Variants in FOXP1 observed in about 807,000 individuals in gnomAD.
FOXP1 encodes forkhead box protein P1.
In FOXP1, 15 loss-of-function variants were observed where a neutral mutation model predicts 98.2. The ratio of observed to expected loss-of-function variants is 0.15; its 90% confidence interval spans 0.10 to 0.24. The LOEUF is 0.24. Ranked by LOEUF, FOXP1 falls within the 10% of genes least tolerant of loss-of-function variation. The pLI is 1.00. For missense variants in FOXP1, 633 were observed against 848.5 expected (o/e 0.75, Z 3.15); for synonymous variants, 371 against 314.5 (o/e 1.18, Z -1.90).
intron 19 of FOXP1, among the ~76,000 whole-genome samples, chr3:70,966,942 G>T (rs1444533082): frequency 6.6e-6 from 1 of 152,142 alleles, no homozygotes; most frequent in Non-Finnish European, 1.5e-5. Context: ...TATACCACTG[G>T]ACTAAGTAAG....
intron 3 of FOXP1, among the ~76,000 whole-genome samples, chr3:71,490,553 G>C (rs975540909): frequency 6.6e-6 from 1 of 151,904 alleles, no homozygotes; most frequent in African/African-American, 2.4e-5. Context: ...CCAGCTCACA[G>C]GATTTCAGGC....
At chr3:71,560,145 G>A (rs540977344) in intron 2 of FOXP1, among the ~76,000 whole-genome samples, 4 of 152,256 alleles carry the variant, frequency 2.6e-5, no homozygotes, top group East Asian at 3.9e-4. Context: ...TTTCAGTTAC[G>A]TGAGTCACTA....
intron 5 of FOXP1, among the ~76,000 whole-genome samples, chr3:71,265,024 G>A (rs971520149): frequency 2.0e-5 from 3 of 152,152 alleles, no homozygotes; most frequent in East Asian, 1.9e-4. Context: ...GAGTGTGCAC[G>A]TATACACACT....
At chr3:71,480,406 G>C (rs901930254) in intron 3 of FOXP1, among the ~76,000 whole-genome samples, 4 of 152,178 alleles carry the variant, frequency 2.6e-5, no homozygotes, top group African/African-American at 9.7e-5. Context: ...GCATACTAAA[G>C]TTTCAAGAGA....
At chr3:71,528,281 G>A (rs151203059) in intron 2 of FOXP1, among the ~76,000 whole-genome samples, 118 of 152,246 alleles carry the variant, frequency 7.8e-4, no homozygotes, top group African/African-American at 2.6e-3. Context: ...CTCTCAGCTC[G>A]GGGAAAAGCT....
intron 6 of FOXP1, among the ~76,000 whole-genome samples, chr3:71,192,234 T>C (rs1245018393): frequency 1.3e-5 from 2 of 152,180 alleles, no homozygotes; most frequent in African/African-American, 2.4e-5. Flanking sequence ...AGCCACCTTT[T>C]TCAAAGAAAA....
intron 3 of FOXP1, among the ~76,000 whole-genome samples, chr3:71,382,459 T>C (rs56010829): frequency 0.28 from 42,796 of 152,106 alleles, 7,426 homozygotes; most frequent in Middle Eastern, 0.42. Flanking sequence ...GCCTAAAACA[T>C]GCCAACTAAT....
intron 2 of FOXP1, among the ~76,000 whole-genome samples, chr3:71,535,109 G>A (rs944487250): frequency 2.0e-5 from 3 of 152,138 alleles, no homozygotes; most frequent in African/African-American, 4.8e-5. Flanking sequence ...GCAAATGCCC[G>A]GGAGCAAAAG....
chr3:71,249,166 T>C (rs957944792), intron 5 of FOXP1, among the ~76,000 whole-genome samples: 2 of 152,170 alleles, frequency 1.3e-5, no homozygotes, highest in Non-Finnish European at 2.9e-5. Flanking sequence ...AGAAACAATA[T>C]AGTAAGAATA....
intron 5 of FOXP1, among the ~76,000 whole-genome samples, chr3:71,282,075 C>G (rs2071630657): frequency 6.6e-6 from 1 of 151,834 alleles, no homozygotes; most frequent in Non-Finnish European, 1.5e-5. Flanking sequence ...TGCCACTGCA[C>G]TCCAGCCTCG....
intron 5 of FOXP1, among the ~76,000 whole-genome samples, chr3:71,204,305 AG>A (rs1052672816): frequency 2.8e-4 from 42 of 152,344 alleles, no homozygotes; most frequent in African/African-American, 9.9e-4. Flanking sequence ...TAATGTGCAA[AG>A]GGTTTACAAG....
chr3:70,969,418 G>A (rs536090235), intron 19 of FOXP1: 1 of 152,310 alleles, frequency 6.6e-6, no homozygotes, highest in Non-Finnish European at 1.5e-5. Flanking sequence ...TAAGGCCAGT[G>A]AATCTGCCTC....
intron 9 of FOXP1, among the ~76,000 whole-genome samples, chr3:71,051,409 A>G (rs914807367): frequency 4.6e-5 from 7 of 152,060 alleles, no homozygotes; most frequent in Non-Finnish European, 8.8e-5. Context: ...AACGTCCCCA[A>G]TTTGTGTCAA....
intron 2 of FOXP1, among the ~76,000 whole-genome samples, chr3:71,554,497 A>G (rs2045986644): frequency 6.6e-6 from 1 of 152,348 alleles, no homozygotes; most frequent in East Asian, 1.9e-4. Context: ...ACAGAATGAA[A>G]TTCTGTTGAC....
intron 6 of FOXP1, among the ~76,000 whole-genome samples, chr3:71,175,290 T>G (rs1029132176): frequency 6.6e-6 from 1 of 152,226 alleles, no homozygotes; most frequent in Non-Finnish European, 1.5e-5. Flanking sequence ...TTTCTCATTC[T>G]GGGAATCAAA....
intron 3 of FOXP1, among the ~76,000 whole-genome samples, chr3:71,427,695 T>C (rs2084289854): frequency 1.3e-5 from 2 of 152,120 alleles, no homozygotes; most frequent in Admixed American, 1.3e-4. Context: ...ATACAAGCGA[T>C]GGACGGAAGT....
At chr3:70,972,004 C>T in intron 18 of FOXP1, 1 of 1,415,296 alleles carries the variant, frequency 7.1e-7, no homozygotes, top group South Asian at 1.7e-5. Flanking sequence ...CAAGTAAAGG[C>T]TCTTACTGTG....
chr3:71,151,381 C>G (rs1234594726), intron 6 of FOXP1, among the ~76,000 whole-genome samples: 1 of 152,182 alleles, frequency 6.6e-6, no homozygotes, highest in Non-Finnish European at 1.5e-5. Context: ...AATGTGGGAA[C>G]AAAGTTGTAT....
At chr3:71,145,229 TTTA>T (rs2060252435) in intron 6 of FOXP1, among the ~76,000 whole-genome samples, 1 of 151,616 alleles carries the variant, frequency 6.6e-6, no homozygotes, top group Non-Finnish European at 1.5e-5. Flanking sequence ...TTTTTATTTA[TTTA>T]TTTTTTTTAA....
Sources: allele counts gnomAD v4.1 joint callset (sites outside exome capture counted in the v4.1 genomes callset), GRCh38; gene constraint gnomAD v4.1.1; transcripts MANE v1.5; gene names NCBI Gene and HGNC (gene_info 2026-07-23, HGNC 2026-07-21).